Variants in ZBTB20 observed in about 807,000 individuals in gnomAD.
ZBTB20 encodes zinc finger and BTB domain containing 20, also known as zinc finger and BTB domain-containing protein 20.
In ZBTB20, 9 loss-of-function variants were observed where a neutral mutation model predicts 56.9. That is an observed-to-expected ratio of 0.16 (90% confidence interval 0.10 to 0.28). The LOEUF (loss-of-function observed/expected upper bound fraction) is 0.28. Ranked by LOEUF, ZBTB20 falls within the 10% of genes least tolerant of loss-of-function variation. ZBTB20 has a pLI of 1.00. For synonymous variants in ZBTB20, 417 were observed against 420.7 expected (o/e 0.99, Z 0.11); for missense variants, 655 against 1,003.0 (o/e 0.65, Z 4.69).
In ZBTB20 at chr3:114,777,031, ATTAACT is replaced by A. The variant is rs531960188; in HGVS notation, c.-343+24064_-343+24069del. On this transcript the variant is annotated intron_variant, in intron 5 of 11. Coordinates refer to ENST00000675478, the MANE Select transcript of ZBTB20 (RefSeq NM_001348800.3). Reference sequence around the variant, plus strand: ...TCCCCCTAAATCAATTATCAGTATCATTAACTTTAGTGACATTTGATTTGGCAAATA... The same window carrying A: ...TCCCCCTAAATCAATTATCAGTATCATTAGTGACATTTGATTTGGCAAATA... Among the ~76,000 whole-genome samples the A allele has an allele frequency of 3.7e-3, 564 of 152,282 alleles. 3 individuals are homozygous for A. Among genetic ancestry groups the A allele is most frequent in the African/African-American group, 0.013 (539 of 41,552 alleles).
In ZBTB20 at chr3:115,000,331, A is replaced by G. The variant is rs1331950946; in HGVS notation, c.-506-25915T>C. 2.6e-5 allele frequency among the ~76,000 whole-genome samples: 4 copies of G among 151,840 alleles called. No homozygotes were observed. In the East Asian group the frequency reaches 7.8e-4, roughly 30 times the overall value. ...TTCATTTTTAAATTATTTGTAAATTAGCAGACTATTTCTTTTATAAAATTA... is the reference window on the plus strand; with the variant it reads ...TTCATTTTTAAATTATTTGTAAATTGGCAGACTATTTCTTTTATAAAATTA... On this transcript the variant is annotated intron_variant, in intron 2 of 11. Coordinates refer to ENST00000675478, the MANE Select transcript of ZBTB20 (RefSeq NM_001348800.3).
At chr3:114,402,172 T>C (rs10511330) in intron 7 of ZBTB20, among the ~76,000 whole-genome samples, 32,300 of 152,114 alleles carry the variant, frequency 0.21, 4,585 homozygotes, top group African/African-American at 0.4. Flanking sequence ...CAAAGAATGT[T>C]TTAGGGCACA....
intron 7 of ZBTB20, among the ~76,000 whole-genome samples, chr3:114,481,443 C>A (rs1036823770): frequency 2.0e-5 from 3 of 152,128 alleles, no homozygotes; most frequent in Non-Finnish European, 4.4e-5. Flanking sequence ...TCTTGAAAAT[C>A]ATTGCATTGG....
At chr3:115,046,226 C>T (rs1196296469) in intron 2 of ZBTB20, among the ~76,000 whole-genome samples, 2 of 151,796 alleles carry the variant, frequency 1.3e-5, no homozygotes, top group Non-Finnish European at 2.9e-5. Context: ...GATGCTAAGT[C>T]AAAAATTATA....
chr3:114,735,921 C>T (rs2066124033), intron 5 of ZBTB20, among the ~76,000 whole-genome samples: 1 of 152,138 alleles, frequency 6.6e-6, no homozygotes, highest in African/African-American at 2.4e-5. Flanking sequence ...AAAACCTGAA[C>T]TACACTCTAT....
At chr3:114,476,074 G>A (rs1358197600) in intron 7 of ZBTB20, among the ~76,000 whole-genome samples, 2 of 151,978 alleles carry the variant, frequency 1.3e-5, no homozygotes, top group South Asian at 2.1e-4. Flanking sequence ...TCCTAAAAAA[G>A]GTGGGATTAT....
intron 1 of ZBTB20, among the ~76,000 whole-genome samples, chr3:115,081,594 G>A (rs940590311): frequency 6.6e-6 from 1 of 152,086 alleles, no homozygotes; most frequent in Non-Finnish European, 1.5e-5. Context: ...TAATGCAAAT[G>A]TATGTCAAAG....
intron 3 of ZBTB20, among the ~76,000 whole-genome samples, chr3:114,935,397 C>A (rs901046831): frequency 6.6e-6 from 1 of 152,128 alleles, no homozygotes; most frequent in African/African-American, 2.4e-5. Context: ...TGAAATTCCA[C>A]TCCAATTATT....
At chr3:114,588,226 T>C (rs1005845896) in intron 6 of ZBTB20, among the ~76,000 whole-genome samples, 2 of 152,236 alleles carry the variant, frequency 1.3e-5, no homozygotes, top group Admixed American at 1.3e-4. Flanking sequence ...GCACAGAATG[T>C]ATCCTTTGTT....
intron 4 of ZBTB20, among the ~76,000 whole-genome samples, chr3:114,850,176 A>G (rs976644625): frequency 5.9e-5 from 9 of 152,172 alleles, no homozygotes; most frequent in Admixed American, 1.3e-4. Context: ...CTGGGATTAC[A>G]GGTGTGAGCC....
intron 5 of ZBTB20, among the ~76,000 whole-genome samples, chr3:114,729,212 G>C (rs2065538809): frequency 6.6e-6 from 1 of 152,102 alleles, no homozygotes; most frequent in African/African-American, 2.4e-5. Flanking sequence ...TAAACTAAAA[G>C]ACTATCCAAC....
intron 1 of ZBTB20, among the ~76,000 whole-genome samples, chr3:115,123,817 C>T (rs2084248532): frequency 6.6e-6 from 1 of 152,098 alleles, no homozygotes; most frequent in Non-Finnish European, 1.5e-5. Flanking sequence ...AATAAAAATA[C>T]GTGGCACTAG....
At chr3:114,816,732 C>G (rs2072942936) in intron 4 of ZBTB20, among the ~76,000 whole-genome samples, 1 of 152,126 alleles carries the variant, frequency 6.6e-6, no homozygotes, top group Non-Finnish European at 1.5e-5. Context: ...GTTTCTCCTA[C>G]TATGCATGTT....
intron 5 of ZBTB20, among the ~76,000 whole-genome samples, chr3:114,782,365 G>A (rs1386321599): frequency 1.3e-5 from 2 of 152,152 alleles, no homozygotes; most frequent in Admixed American, 1.3e-4. Context: ...ATTTTAAAGC[G>A]AGAGCTAAGA....
intron 5 of ZBTB20, among the ~76,000 whole-genome samples, chr3:114,726,659 T>C (rs1432012685): frequency 6.6e-6 from 1 of 152,040 alleles, no homozygotes; most frequent in Non-Finnish European, 1.5e-5. Flanking sequence ...ATGCCTGTAA[T>C]CCCAGCACTT....
chr3:114,518,821 T>C (rs1024766097), intron 6 of ZBTB20: 2 of 152,204 alleles, frequency 1.3e-5, no homozygotes, highest in Non-Finnish European at 2.9e-5. Context: ...AGTCAGGGGA[T>C]ATCTGTATTT....
chr3:115,084,089 A>G (rs2082896709), intron 1 of ZBTB20, among the ~76,000 whole-genome samples: 1 of 151,870 alleles, frequency 6.6e-6, no homozygotes, highest in Admixed American at 6.6e-5. Flanking sequence ...TGTTAGATGC[A>G]ATAAAATGGT....
At chr3:114,973,045 AC>A (rs2077952720) in intron 3 of ZBTB20, among the ~76,000 whole-genome samples, 1 of 152,212 alleles carries the variant, frequency 6.6e-6, no homozygotes, top group South Asian at 2.1e-4. Context: ...AATAAAAAGA[AC>A]AGCAGAAATT....
At chr3:114,931,664 T>C (rs761095799) in intron 3 of ZBTB20, among the ~76,000 whole-genome samples, 42 of 152,198 alleles carry the variant, frequency 2.8e-4, no homozygotes, top group Non-Finnish European at 5.6e-4. Context: ...ACATGTCTTT[T>C]TGGTAATAAC....
Sources: allele counts gnomAD v4.1 joint callset (sites outside exome capture counted in the v4.1 genomes callset), GRCh38; gene constraint gnomAD v4.1.1; transcripts MANE v1.5; gene names NCBI Gene and HGNC (gene_info 2026-07-23, HGNC 2026-07-21).